Variants in BMAL2 observed in about 807,000 individuals in gnomAD.
BMAL2 encodes the protein basic helix-loop-helix ARNT-like protein 2.
the BMAL2 span, among the ~76,000 whole-genome samples, chr12:27,382,841 A>G: frequency 6.6e-6 from 1 of 152,210 alleles, no homozygotes. Context: ...AACGATCTGG[A>G]TGAAGAACAG....
chr12:27,375,829 G>A, the BMAL2 span, among the ~76,000 whole-genome samples: 1 of 152,104 alleles, frequency 6.6e-6, no homozygotes, highest in Non-Finnish European at 1.5e-5. Context: ...CTATACTAAT[G>A]TGAAAATTAA....
At chr12:27,336,419 G>C in the BMAL2 span, among the ~76,000 whole-genome samples, 1 of 152,130 alleles carries the variant, frequency 6.6e-6, no homozygotes, top group Non-Finnish European at 1.5e-5. Context: ...AGCCTTCAGT[G>C]TAAGCCCTTA....
At chr12:27,380,294 A>G in the BMAL2 span, 125 of 1,613,990 alleles carry the variant, frequency 7.7e-5, no homozygotes, top group Non-Finnish European at 1.0e-4. Flanking sequence ...AAAATGAATA[A>G]CCTGATTGAA....
chr12:27,385,606 C>CTGTT, the BMAL2 span: 4 of 1,310,052 alleles, frequency 3.1e-6, no homozygotes, highest in Non-Finnish European at 4.3e-6. Flanking sequence ...GCTTTCATTG[C>CTGTT]TGTTTGAATA....
At chr12:27,401,544 ATACT>A in the BMAL2 span, 4 of 1,601,002 alleles carry the variant, frequency 2.5e-6, no homozygotes, top group South Asian at 1.1e-5. Flanking sequence ...TAAGGAGAAA[ATACT>A]TACAGATTCC....
chr12:27,355,655 C>G, the BMAL2 span, among the ~76,000 whole-genome samples: 13 of 152,188 alleles, frequency 8.5e-5, no homozygotes, highest in African/African-American at 3.1e-4. Flanking sequence ...TCTATTTTCT[C>G]TGCTTCAGTT....
chr12:27,333,637 G>C, the BMAL2 span, among the ~76,000 whole-genome samples: 1 of 152,362 alleles, frequency 6.6e-6, no homozygotes, highest in Admixed American at 6.5e-5. Flanking sequence ...CCCCGCGGTG[G>C]AGCGCGCAGG....
chr12:27,423,166 T>C, the BMAL2 span: 7 of 152,194 alleles, frequency 4.6e-5, no homozygotes, highest in Admixed American at 1.3e-4. Context: ...TTCAACTAAA[T>C]TTGATTTTTG....
At chr12:27,340,765 G>T in the BMAL2 span, among the ~76,000 whole-genome samples, 1 of 152,122 alleles carries the variant, frequency 6.6e-6, no homozygotes, top group Admixed American at 6.6e-5. Flanking sequence ...TCCATTTTCT[G>T]TGTCATCTCT....
the BMAL2 span, among the ~76,000 whole-genome samples, chr12:27,348,532 A>G: frequency 6.6e-6 from 1 of 152,168 alleles, no homozygotes; most frequent in African/African-American, 2.4e-5. Context: ...TAACTTACCT[A>G]AAGCCACCTT....
chr12:27,407,667 A>C, the BMAL2 span, among the ~76,000 whole-genome samples: 17 of 152,110 alleles, frequency 1.1e-4, no homozygotes, highest in African/African-American at 2.4e-4. Flanking sequence ...GACACCCTAA[A>C]ATCACAATTA....
the BMAL2 span, chr12:27,401,144 C>G: frequency 6.0e-6 from 5 of 828,732 alleles, no homozygotes; most frequent in Non-Finnish European, 7.9e-6. Context: ...GCATGGGTCA[C>G]TCATCCCCTA....
At chr12:27,415,624 C>T in the BMAL2 span, among the ~76,000 whole-genome samples, 2 of 152,050 alleles carry the variant, frequency 1.3e-5, no homozygotes, top group Non-Finnish European at 2.9e-5. Context: ...ACAGATGATA[C>T]GATTTACTCA....
chr12:27,404,984 C>T, the BMAL2 span, among the ~76,000 whole-genome samples: 2 of 152,112 alleles, frequency 1.3e-5, no homozygotes, highest in African/African-American at 4.8e-5. Flanking sequence ...CCTACACCCA[C>T]GGAGCCTCGC....
At chr12:27,402,732 T>A in the BMAL2 span, 5 of 1,468,534 alleles carry the variant, frequency 3.4e-6, no homozygotes, top group Non-Finnish European at 4.7e-6. Flanking sequence ...TTATTAAGAC[T>A]ATTACTATCT....
At chr12:27,351,572 C>A in the BMAL2 span, among the ~76,000 whole-genome samples, 1 of 152,184 alleles carries the variant, frequency 6.6e-6, no homozygotes, top group Non-Finnish European at 1.5e-5. Flanking sequence ...CTACTATCCA[C>A]CTAACCTAAT....
At chr12:27,384,475 G>A in the BMAL2 span, among the ~76,000 whole-genome samples, 2 of 152,034 alleles carry the variant, frequency 1.3e-5, no homozygotes, top group South Asian at 2.1e-4. Flanking sequence ...CGTAACATTT[G>A]TTTAGAATTC....
the BMAL2 span, among the ~76,000 whole-genome samples, chr12:27,345,576 C>T: frequency 3.3e-5 from 5 of 152,204 alleles, no homozygotes; most frequent in Admixed American, 6.5e-5. Context: ...GCAGCCTCCA[C>T]GCCTTGGGCT....
At chr12:27,342,393 A>G in the BMAL2 span, among the ~76,000 whole-genome samples, 1 of 152,272 alleles carries the variant, frequency 6.6e-6, no homozygotes, top group Non-Finnish European at 1.5e-5. Context: ...TACTTAAGCT[A>G]TAAGTGTATT....
Sources: allele counts gnomAD v4.1 joint callset (sites outside exome capture counted in the v4.1 genomes callset), GRCh38; gene constraint gnomAD v4.1.1; transcripts MANE v1.5; gene names NCBI Gene and HGNC (gene_info 2026-07-23, HGNC 2026-07-21).